TANGO6: variants seen among roughly 807,000 people sequenced by gnomAD.
TANGO6 encodes transport and golgi organization 6 homolog.
Under a neutral mutation model 114.2 loss-of-function variants are expected in TANGO6, and 90 were observed. That is an observed-to-expected ratio of 0.79 (90% CI 0.66 to 0.94). The LOEUF (loss-of-function observed/expected upper bound fraction) is 0.94. TANGO6 is among the 40% of genes least tolerant of loss of function. The probability of loss-of-function intolerance (pLI) is 0.00; values close to 1 mark genes in which losing one functional copy is unlikely to be tolerated. For missense variants in TANGO6, 1,274 were observed against 1,315.3 expected (o/e 0.97, Z 0.49); for synonymous variants, 477 against 509.8 (o/e 0.94, Z 0.87).
chr16:68,857,720 T>C (rs1962021502), intron 1 of TANGO6, among the ~76,000 whole-genome samples: 1 of 152,222 alleles, frequency 6.6e-6, no homozygotes, highest in Non-Finnish European at 1.5e-5. Context: ...TTCTAATAGG[T>C]ATATAATGGT....
intron 14 of TANGO6, among the ~76,000 whole-genome samples, chr16:68,947,752 C>G (rs1013278913): frequency 6.6e-6 from 1 of 151,986 alleles, no homozygotes; most frequent in African/African-American, 2.4e-5. Context: ...CCAACATGCC[C>G]AGCTAATTTT....
intron 15 of TANGO6, among the ~76,000 whole-genome samples, chr16:69,015,622 C>G (rs912497509): frequency 6.6e-6 from 1 of 151,952 alleles, no homozygotes; most frequent in African/African-American, 2.4e-5. Flanking sequence ...GCTGGGACTA[C>G]AGGCGCCCGC....
intron 14 of TANGO6, among the ~76,000 whole-genome samples, chr16:68,941,945 C>G (rs1232972019): frequency 6.6e-6 from 1 of 151,992 alleles, no homozygotes; most frequent in East Asian, 1.9e-4. Flanking sequence ...TAGGAAGACC[C>G]CCCATCTCTT....
At chr16:68,850,745 G>A (rs73562632) in intron 1 of TANGO6, among the ~76,000 whole-genome samples, 4,139 of 152,242 alleles carry the variant, frequency 0.027, 170 homozygotes, top group African/African-American at 0.094. Flanking sequence ...ATGTAAATGG[G>A]CATAACTGTG....
intron 1 of TANGO6, among the ~76,000 whole-genome samples, chr16:68,856,132 C>G (rs1017531186): frequency 6.6e-6 from 1 of 152,032 alleles, no homozygotes; most frequent in Non-Finnish European, 1.5e-5. Flanking sequence ...CTGCTTTTGA[C>G]CTATTTCAAT....
intron 17 of TANGO6, among the ~76,000 whole-genome samples, chr16:69,051,022 T>C (rs1166119672): frequency 6.6e-6 from 1 of 152,006 alleles, no homozygotes; most frequent in Non-Finnish European, 1.5e-5. Context: ...TCTAATTTAA[T>C]TTTTATTCCC....
intron 14 of TANGO6, among the ~76,000 whole-genome samples, chr16:68,969,679 A>G (rs905231995): frequency 6.7e-6 from 1 of 150,174 alleles, no homozygotes; most frequent in Non-Finnish European, 1.5e-5. Context: ...GTTTAGCATT[A>G]TAGGAAAAGC....
intron 1 of TANGO6, among the ~76,000 whole-genome samples, chr16:68,855,034 T>C (rs545955764): frequency 2.0e-5 from 3 of 151,548 alleles, no homozygotes; most frequent in Admixed American, 2.0e-4. Flanking sequence ...AGACAGAGTC[T>C]TGCTCTGTCA....
intron 15 of TANGO6, among the ~76,000 whole-genome samples, chr16:69,001,277 A>G (rs181488577): frequency 3.9e-5 from 6 of 152,302 alleles, no homozygotes; most frequent in Admixed American, 1.3e-4. Flanking sequence ...AAGTTGAACA[A>G]TTACCAAAAG....
intron 15 of TANGO6, among the ~76,000 whole-genome samples, chr16:68,992,483 G>T (rs1461139316): frequency 6.6e-6 from 1 of 152,194 alleles, no homozygotes; most frequent in Non-Finnish European, 1.5e-5. Context: ...TTCATGGTAA[G>T]GGGTGAATAA....
At chr16:69,020,315 G>A (rs1038157367) in intron 15 of TANGO6, among the ~76,000 whole-genome samples, 1 of 152,202 alleles carries the variant, frequency 6.6e-6, no homozygotes, top group African/African-American at 2.4e-5. Context: ...GCTCATGACT[G>A]TATATGCAAA....
At chr16:68,942,715 C>A (rs1963367383) in intron 14 of TANGO6, among the ~76,000 whole-genome samples, 1 of 152,044 alleles carries the variant, frequency 6.6e-6, no homozygotes, top group South Asian at 2.1e-4. Context: ...AGAGTTAGAA[C>A]TGGAGAAAAA....
chr16:68,988,457 C>T (rs1458620595), intron 15 of TANGO6, among the ~76,000 whole-genome samples: 1 of 152,178 alleles, frequency 6.6e-6, no homozygotes, highest in African/African-American at 2.4e-5. Flanking sequence ...GCCCTTGGTC[C>T]TCTTCTCTCT....
intron 17 of TANGO6, among the ~76,000 whole-genome samples, chr16:69,080,555 A>AT (rs1337501154): frequency 6.6e-6 from 1 of 152,200 alleles, no homozygotes. Flanking sequence ...GTCTAAAAAA[A>AT]CTGGGGGAGA....
At position 68,860,469 on chromosome 16, in the gene TANGO6, T is replaced by C; in HGVS notation, c.680T>C (p.Leu227Pro). 1 of 1,613,972 alleles carries C rather than the reference T, an allele frequency of 6.2e-7. No individual in the cohort carries two copies. The highest frequency in any genetic ancestry group is 8.5e-7 in the Non-Finnish European group (1 of 1,179,900). Reference sequence around the variant, plus strand: ...CACTTTGGGGATATCGCAGCAGGTCTGTGCCAACTGGGATTCTGCCCAACC... The same window carrying C: ...CACTTTGGGGATATCGCAGCAGGTCCGTGCCAACTGGGATTCTGCCCAACC... ...CHHFGDIAAG[L>P]CQLGFCPTKR... The change falls in exon 2 of 18, where the codon CTG (leucine) becomes CCG (proline). Residue 227 changes from leucine (L) to proline (P), a missense_variant. Transcript: ENST00000261778.
chr16:68,992,244 G>A (rs146190274), intron 15 of TANGO6, among the ~76,000 whole-genome samples: 220 of 152,242 alleles, frequency 1.4e-3, no homozygotes, highest in African/African-American at 4.7e-3. Flanking sequence ...TCGACATATG[G>A]ACTTAACTTT....
At chr16:68,885,873 T>C (rs561493657) in intron 7 of TANGO6, among the ~76,000 whole-genome samples, 1 of 152,346 alleles carries the variant, frequency 6.6e-6, no homozygotes, top group African/African-American at 2.4e-5. Flanking sequence ...AGTTTTTGTG[T>C]GAACCTATGT....
chr16:68,870,233 C>T (rs1417653306), intron 4 of TANGO6, among the ~76,000 whole-genome samples: 2 of 151,904 alleles, frequency 1.3e-5, no homozygotes, highest in African/African-American at 4.8e-5. Context: ...AGGAGAGTTG[C>T]CAAAACTTAA....
chr16:68,933,011 T>C (rs1963262200), intron 14 of TANGO6, among the ~76,000 whole-genome samples: 1 of 152,232 alleles, frequency 6.6e-6, no homozygotes, highest in African/African-American at 2.4e-5. Context: ...AGTGTTGTTA[T>C]CATCATCAGA....
Sources: gnomAD v4.1 joint callset for allele counts (sites outside exome capture counted in the v4.1 genomes callset) on GRCh38, gnomAD v4.1.1 for gene constraint, MANE v1.5 for transcripts, NCBI Gene and HGNC (gene_info 2026-07-23, HGNC 2026-07-21) for gene names.